LRP4: variants seen among roughly 807,000 people sequenced by gnomAD.
LRP4 encodes the protein LDL receptor related protein 4.
LRP4 carries 95 observed loss-of-function variants against 220.3 expected under a neutral mutation model. The observed-to-expected ratio is 0.43, with a 90% CI of 0.37 to 0.51. The LOEUF (loss-of-function observed/expected upper bound fraction) is 0.51, where lower values mean the gene tolerates loss of function less well. LRP4 is among the 20% of genes least tolerant of loss of function. The probability of loss-of-function intolerance (pLI) is 0.00; values close to 1 mark genes in which losing one functional copy is unlikely to be tolerated. For synonymous variants in LRP4, 903 were observed against 954.6 expected, an observed-to-expected ratio of 0.95 and a Z score of 1.00; for missense variants, 1,925 against 2,567.0, an observed-to-expected ratio of 0.75 and a Z score of 5.40.
chr11:46,865,872 C>T (rs1277332967), intron 34 of LRP4, among the ~76,000 whole-genome samples: 1 of 152,152 alleles, frequency 6.6e-6, no homozygotes, highest in African/African-American at 2.4e-5. Flanking sequence ...GTAATAATGA[C>T]TGATAGTACT....
At chr11:46,893,264 C>A (rs1941460135) in intron 12 of LRP4, 135 bp from the exon 13 acceptor site, 4 of 815,658 alleles carry the variant, frequency 4.9e-6, no homozygotes, top group Non-Finnish European at 8.2e-6. Flanking sequence ...TACATGAATT[C>A]ATTTAAGCAT....
At position 46,899,532 on chromosome 11, in the gene LRP4, T is replaced by C; in HGVS notation, c.431-29A>G. ...GGGGGATGCGATGGGACAGCAGTTC[T>C]GAGGGGGCCCCACAGGCAACCCTCT... On this transcript the variant is annotated intron_variant, in intron 4 of 37. Coordinates refer to ENST00000378623, the MANE Select transcript of LRP4 (RefSeq NM_002334.4). This position sits in a 1 kb window ranked among gnomAD's most constrained non-coding sequence, Gnocchi z 5.9. The C allele has an allele frequency of 1.3e-6, 2 of 1,537,180 alleles. No homozygotes were observed. Among genetic ancestry groups the C allele is most frequent in the South Asian group, 2.2e-5 (2 of 89,586 alleles).
rs1940415149 is a variant in LRP4, at chr11:46,857,697, A to G, written c.*1286T>C. The G allele has an allele frequency of 6.6e-6, 1 of 152,472 alleles. No individual in the cohort carries two copies. The highest frequency in any genetic ancestry group is 1.5e-5 in the Non-Finnish European group (1 of 68,036). The allele number at this position is 152,472 out of a possible 1,614,324, so 9.4% of individuals were successfully genotyped here. On this transcript the variant is annotated 3_prime_UTR_variant, in exon 38 of 38. Coordinates refer to ENST00000378623, the MANE Select transcript of LRP4 (RefSeq NM_002334.4). The stretch of plus-strand genomic sequence containing the variant: ...TAGGGAGACGTTTTAGGGCAAAAAT[A>G]AGTCTCAATTTCCCTGATACCAGGC...
chr11:46,897,534 T>C (rs1203195390), intron 7 of LRP4, among the ~76,000 whole-genome samples: 2 of 150,238 alleles, frequency 1.3e-5, no homozygotes, highest in African/African-American at 5.0e-5. Context: ...TCCGCAGTGT[T>C]TGTGTCCCTG....
chr11:46,879,111 C>T lies in LRP4; in HGVS notation c.3004+15G>A. 6.2e-7 allele frequency: 1 copy of T among 1,614,214 alleles called. No homozygotes were observed. The highest frequency in any genetic ancestry group is 8.5e-7 in the Non-Finnish European group (1 of 1,180,018). On this transcript the variant is annotated intron_variant, in intron 21 of 37. Coordinates refer to ENST00000378623, the MANE Select transcript of LRP4 (RefSeq NM_002334.4). ...AGGGCCACGGAGAAGCCAATGCGAG[C>T]CAAGGGCTGCTCACCTGGGGGCCGG...
chr11:46,889,699 A>G, intron 15 of LRP4, 166 bp from the exon 16 acceptor site: 1 of 932,312 alleles, frequency 1.1e-6, no homozygotes, highest in Non-Finnish European at 1.7e-6. Flanking sequence ...CCCGGCACAG[A>G]GGAGATGCCC....
At chr11:46,901,734 A>G (rs932435035) in intron 2 of LRP4, among the ~76,000 whole-genome samples, 2 of 151,892 alleles carry the variant, frequency 1.3e-5, no homozygotes, top group Non-Finnish European at 2.9e-5. Flanking sequence ...TAAGGAAAAT[A>G]TAAGTTTTTT....
chr11:46,895,238 C>A lies in LRP4; in HGVS notation c.1237G>T (p.Glu413Ter). Residue 413 changes from glutamate (E) to a stop codon, truncating the protein, a stop_gained, in exon 11 of 38, where the codon GAA (glutamate) becomes TAA (stop). Coordinates refer to ENST00000378623, the MANE Select transcript of LRP4 (RefSeq NM_002334.4). LOFTEE classifies it high-confidence loss of function. ...TCACACCAGCATTGGAAAGCCCCTT[C>A]GCTGTTGGTGCAGCCCTGGCTGCAA... is the stretch of plus-strand genomic sequence containing the variant. ...GYCSQGCTNS[E>*]GAFQCWCETG... The A allele has an allele frequency of 6.2e-7, 1 of 1,614,096 alleles. No individual in the cohort carries two copies. The highest frequency in any genetic ancestry group is 8.5e-7 in the Non-Finnish European group (1 of 1,180,042).
rs1941628530 is a variant in LRP4 at position 46,899,866 on chromosome 11, A to ACTG, written c.424_426dup (p.Gln142dup). 2 of 1,613,590 alleles carry ACTG rather than the reference A, an allele frequency of 1.2e-6. No individual in the cohort carries two copies. On this transcript the variant is annotated inframe_insertion, in exon 4 of 38. Transcript: ENST00000378623. This position sits in a 1 kb window ranked among gnomAD's most constrained non-coding sequence, Gnocchi z 5.9. ...TTCCCCCGTTGGGGTCACCCACCAC[A>ACTG]CTGCTCATCGCTGTTGTCGCCACAG...
At chr11:46,900,993 G>A (rs908592937) in intron 2 of LRP4, among the ~76,000 whole-genome samples, 1 of 151,888 alleles carries the variant, frequency 6.6e-6, no homozygotes, top group Non-Finnish European at 1.5e-5. Context: ...GTGGGTTTTC[G>A]CCATGTTGGC....
At chr11:46,882,208 C>T (rs1482188647) in intron 19 of LRP4, among the ~76,000 whole-genome samples, 1 of 152,076 alleles carries the variant, frequency 6.6e-6, no homozygotes, top group Non-Finnish European at 1.5e-5. Context: ...TTTCCTTGGC[C>T]AGGCGCCATG....
intron 33 of LRP4, among the ~76,000 whole-genome samples, 190 bp downstream of exon 33, chr11:46,868,410 A>G (rs1255225626): frequency 1.3e-5 from 2 of 152,374 alleles, no homozygotes; most frequent in East Asian, 3.9e-4. Flanking sequence ...TGCAAATGCC[A>G]GAGGGCAGAC....
At chr11:46,882,804 C>T (rs897989741) in intron 19 of LRP4, among the ~76,000 whole-genome samples, 1 of 152,194 alleles carries the variant, frequency 6.6e-6, no homozygotes. Flanking sequence ...TGCAGTGAGC[C>T]GTGATTTGCA....
At chr11:46,893,935 A>C (rs1308112845) in intron 12 of LRP4, among the ~76,000 whole-genome samples, 2 of 139,312 alleles carry the variant, frequency 1.4e-5, no homozygotes, top group African/African-American at 5.4e-5. Flanking sequence ...AGTTTTGCCT[A>C]GGCTGAAGTA....
Position 46,893,010 on chromosome 11 carries a change from C to T in LRP4, c.1660G>A (p.Glu554Lys). ...TGCAAGGCAATGGCCCGGGGCTTCT[C>T]CAGGTTCTGCCACAGCAACACTTTC... The part of the protein sequence containing the change: ...HRKVLLWQNL[E>K]KPRAIALHPM... The change falls in exon 13 of 38, where the codon GAG (glutamate) becomes AAG (lysine). Residue 554 changes from glutamate to lysine, a missense_variant. Transcript: ENST00000378623. 6.2e-7 allele frequency: 1 copy of T among 1,614,018 alleles called. No homozygotes were observed. The highest frequency in any genetic ancestry group is 8.5e-7 in the Non-Finnish European group (1 of 1,179,986).
In LRP4 at chr11:46,899,835, C is replaced by G. The variant is rs769876997; in HGVS notation, c.430+28G>C. 6 of 1,600,356 alleles carry G rather than the reference C, an allele frequency of 3.7e-6. No homozygotes were observed. Among genetic ancestry groups the G allele is most frequent in the South Asian group, 2.2e-5 (2 of 90,826 alleles). ...GCCAGGCCACCCACTGGCCACCTTG[C>G]CTGCCTTCCCCCGTTGGGGTCACCC... On this transcript the variant is annotated intron_variant, in intron 4 of 37. Coordinates refer to ENST00000378623, the MANE Select transcript of LRP4 (RefSeq NM_002334.4). The surrounding 1 kb of genome is among the most constrained non-coding windows in gnomAD (Gnocchi z 5.9).
At chr11:46,907,895 G>A (rs1246224774) in intron 1 of LRP4, among the ~76,000 whole-genome samples, 2 of 152,154 alleles carry the variant, frequency 1.3e-5, no homozygotes, top group Admixed American at 6.5e-5. Context: ...AAACTGCTTA[G>A]CACAGGGCTA....
At position 46,868,531 on chromosome 11, in the gene LRP4, C is replaced by G. The variant is rs189423927; in HGVS notation, c.4951+69G>C. The G allele has an allele frequency of 1.3e-5, 14 of 1,082,808 alleles. No homozygotes were observed. In the Admixed American group the frequency reaches 2.2e-4, roughly 17 times the overall value. The allele number at this position is 1,082,808 out of a possible 1,614,324, so 67.1% of individuals were successfully genotyped here. ...CCAGAAGGACAGATCAGACCAGTAT[C>G]AGAGGCTGCTGACTCTCAGCCCTTC... On this transcript the variant is annotated intron_variant, in intron 33 of 37. Transcript: ENST00000378623.
At chr11:46,905,973 G>T (rs1941752567) in intron 1 of LRP4, among the ~76,000 whole-genome samples, 1 of 152,132 alleles carries the variant, frequency 6.6e-6, no homozygotes, top group Non-Finnish European at 1.5e-5. Flanking sequence ...GAGTGGGGAT[G>T]TACCAGACGG....
Sources: gnomAD v4.1 joint callset for allele counts (sites outside exome capture counted in the v4.1 genomes callset) on GRCh38, gnomAD v4.1.1 for gene constraint, Gnocchi (gnomAD v3.1) non-coding constraint, MANE v1.5 for transcripts, NCBI Gene and HGNC (gene_info 2026-07-23, HGNC 2026-07-21) for gene names.